IMMP2L: variants seen among roughly 807,000 people sequenced by gnomAD.
IMMP2L encodes the protein inner mitochondrial membrane peptidase subunit 2, also known as mitochondrial inner membrane protease subunit 2.
IMMP2L carries 18 observed loss-of-function variants against 19.3 expected under a neutral mutation model. The ratio of observed to expected loss-of-function variants is 0.93; its 90% confidence interval spans 0.64 to 1.38. The LOEUF is 1.38. IMMP2L is among the 40% of genes most tolerant of loss of function. IMMP2L has a pLI of 0.00. For synonymous variants in IMMP2L, 76 were observed against 73.0 expected (o/e 1.04, Z -0.21); for missense variants, 233 against 218.2 (o/e 1.07, Z -0.43).
chr7:111,303,582 A>T (rs1282382868), intron 3 of IMMP2L, among the ~76,000 whole-genome samples: 1 of 152,110 alleles, frequency 6.6e-6, no homozygotes, highest in East Asian at 1.9e-4. Flanking sequence ...TTGTGAAGAA[A>T]TAACTTAAGG....
chr7:111,474,733 T>G (rs997018068), intron 3 of IMMP2L, among the ~76,000 whole-genome samples: 1 of 152,128 alleles, frequency 6.6e-6, no homozygotes, highest in Non-Finnish European at 1.5e-5. Context: ...TGTTAATACA[T>G]TCTTTACCTT....
intron 4 of IMMP2L, among the ~76,000 whole-genome samples, chr7:110,899,713 T>C (rs1811668456): frequency 6.6e-6 from 1 of 152,136 alleles, no homozygotes; most frequent in Admixed American, 6.6e-5. Context: ...TACTAGTACA[T>C]GGCGGGTGGC....
chr7:110,968,629 C>T (rs1015746625), intron 3 of IMMP2L, among the ~76,000 whole-genome samples: 3 of 152,020 alleles, frequency 2.0e-5, no homozygotes, highest in Non-Finnish European at 2.9e-5. Context: ...GCAATGTTGA[C>T]GCCAATGCAC....
At chr7:111,289,065 A>G (rs12668070) in intron 3 of IMMP2L, among the ~76,000 whole-genome samples, 55,154 of 151,972 alleles carry the variant, frequency 0.36, 10,451 homozygotes, top group South Asian at 0.61. Context: ...TGGCACATAT[A>G]CACCATGAAA....
chr7:111,555,001 G>A (rs1791101807), intron 1 of IMMP2L, among the ~76,000 whole-genome samples: 1 of 152,118 alleles, frequency 6.6e-6, no homozygotes, highest in Non-Finnish European at 1.5e-5. Context: ...ACCTTGAGAA[G>A]TAGGATATAA....
intron 3 of IMMP2L, among the ~76,000 whole-genome samples, chr7:111,183,967 G>C (rs1432291456): frequency 6.6e-6 from 1 of 151,932 alleles, no homozygotes; most frequent in Non-Finnish European, 1.5e-5. Flanking sequence ...CTCATTTTCT[G>C]CATTTATAAA....
At chr7:111,217,749 A>G (rs1411145050) in intron 3 of IMMP2L, among the ~76,000 whole-genome samples, 2 of 152,154 alleles carry the variant, frequency 1.3e-5, no homozygotes, top group African/African-American at 4.8e-5. Context: ...TTATGATACT[A>G]AACAATAATC....
intron 4 of IMMP2L, among the ~76,000 whole-genome samples, chr7:110,894,103 C>A (rs138149771): frequency 1.3e-5 from 2 of 152,090 alleles, no homozygotes; most frequent in Non-Finnish European, 2.9e-5. Context: ...GTAAGACATC[C>A]GAAGACCCCG....
intron 3 of IMMP2L, among the ~76,000 whole-genome samples, chr7:111,335,659 T>C (rs1826325666): frequency 6.6e-6 from 1 of 152,024 alleles, no homozygotes; most frequent in African/African-American, 2.4e-5. Context: ...GACTAGGAAA[T>C]ACACATATCA....
At chr7:110,911,555 A>G (rs186530883) in intron 4 of IMMP2L, among the ~76,000 whole-genome samples, 1 of 152,276 alleles carries the variant, frequency 6.6e-6, no homozygotes, top group Admixed American at 6.5e-5. Flanking sequence ...CCACACATGT[A>G]AATGCTAAGA....
intron 3 of IMMP2L, among the ~76,000 whole-genome samples, chr7:111,282,635 G>C (rs1563007262): frequency 6.6e-6 from 1 of 151,800 alleles, no homozygotes. Context: ...CTAGGCTAGA[G>C]ATCAGTGGTA....
At chr7:111,183,441 AC>A (rs1259611881) in intron 3 of IMMP2L, among the ~76,000 whole-genome samples, 3 of 152,100 alleles carry the variant, frequency 2.0e-5, no homozygotes, top group East Asian at 1.9e-4. Context: ...CAGTAAGGAA[AC>A]AAGCTTTTTA....
chr7:111,018,828 T>C (rs1191918965), intron 3 of IMMP2L, among the ~76,000 whole-genome samples: 1 of 138,266 alleles, frequency 7.2e-6, no homozygotes, highest in Non-Finnish European at 1.5e-5. Flanking sequence ...TTATTATTAT[T>C]ATTATTATTA....
chr7:110,817,164 G>C (rs948922252), intron 5 of IMMP2L, among the ~76,000 whole-genome samples: 5 of 152,132 alleles, frequency 3.3e-5, no homozygotes, highest in Admixed American at 3.3e-4. Flanking sequence ...AAAAGAGGAA[G>C]TCTAATTGTC....
intron 3 of IMMP2L, among the ~76,000 whole-genome samples, chr7:110,999,607 T>TAAA (rs150912208): frequency 9.4e-4 from 125 of 132,286 alleles, no homozygotes; most frequent in African/African-American, 3.2e-3. Flanking sequence ...TTTCGATGAA[T>TAAA]AAAAAAAAAA....
chr7:111,075,476 A>G (rs1795321154), intron 3 of IMMP2L, among the ~76,000 whole-genome samples: 1 of 152,194 alleles, frequency 6.6e-6, no homozygotes, highest in African/African-American at 2.4e-5. Flanking sequence ...ATAAATGAAT[A>G]TTAGTAGTTG....
At chr7:110,797,925 T>A (rs1391185308) in intron 5 of IMMP2L, among the ~76,000 whole-genome samples, 3 of 151,926 alleles carry the variant, frequency 2.0e-5, no homozygotes, top group Non-Finnish European at 2.9e-5. Flanking sequence ...ATTGTGCCCA[T>A]GAAAAATTAA....
At chr7:110,767,724 A>G (rs1798758391) in intron 5 of IMMP2L, among the ~76,000 whole-genome samples, 1 of 152,176 alleles carries the variant, frequency 6.6e-6, no homozygotes, top group South Asian at 2.1e-4. Context: ...AACAATCTCA[A>G]TAGTTTCCTA....
At chr7:111,334,801 T>A (rs1405228657) in intron 3 of IMMP2L, among the ~76,000 whole-genome samples, 1 of 152,108 alleles carries the variant, frequency 6.6e-6, no homozygotes, top group African/African-American at 2.4e-5. Flanking sequence ...TATTGTTTTT[T>A]AAACCTTCAC....
Sources: allele counts gnomAD v4.1 joint callset (sites outside exome capture counted in the v4.1 genomes callset), GRCh38; gene constraint gnomAD v4.1.1; transcripts MANE v1.5; gene names NCBI Gene and HGNC (gene_info 2026-07-23, HGNC 2026-07-21).